ARSG: variants seen among roughly 807,000 people sequenced by gnomAD.
ARSG encodes arylsulfatase G.
A neutral mutation model predicts 50.5 loss-of-function variants in ARSG; 37 were observed. That is an observed-to-expected ratio of 0.73 (90% CI 0.56 to 0.96). The LOEUF (loss-of-function observed/expected upper bound fraction) is 0.96, where lower values mean the gene tolerates loss of function less well. ARSG is among the 50% of genes least tolerant of loss of function. ARSG has a pLI of 0.00. For synonymous variants in ARSG, 225 were observed against 254.6 expected, an observed-to-expected ratio of 0.88 and a Z score of 1.11; for missense variants, 629 against 675.3, an observed-to-expected ratio of 0.93 and a Z score of 0.76.
intron 3 of ARSG, 149 bp downstream of exon 3, chr17:68,343,940 C>A (rs771745808): frequency 4.7e-5 from 38 of 804,866 alleles, no homozygotes; most frequent in Non-Finnish European, 6.1e-5. Flanking sequence ...ACTGAAAAGA[C>A]CTAACAGTGA....
At chr17:68,279,678 C>T (rs2030156264) in intron 1 of ARSG, among the ~76,000 whole-genome samples, 1 of 152,182 alleles carries the variant, frequency 6.6e-6, no homozygotes, top group Non-Finnish European at 1.5e-5. Context: ...CTTAACACTT[C>T]TAAGGAGACA....
chr17:68,335,499 A>C (rs1321674949), intron 2 of ARSG, among the ~76,000 whole-genome samples: 1 of 150,428 alleles, frequency 6.6e-6, no homozygotes, highest in Non-Finnish European at 1.5e-5. Flanking sequence ...GCTTGCAGTG[A>C]GCCGAGATCA....
rs1029851652 is a variant in ARSG, at chr17:68,420,634, C to T, written c.*171C>T. On this transcript the variant is annotated 3_prime_UTR_variant, in exon 12 of 12. Transcript: ENST00000621439. The stretch of plus-strand genomic sequence containing the variant: ...ATCCTGTCCCTCCTCCACGCCGACC[C>T]GAGAGCAGCTGAGCTGCGCTGGCTC... The T allele has an allele frequency of 5.2e-6, 4 of 773,600 alleles. No individual in the cohort carries two copies. Among genetic ancestry groups the T allele is most frequent in the African/African-American group, 3.5e-5 (2 of 57,200 alleles). 47.9% of individuals were successfully genotyped at this position (773,600 alleles called of 1,614,324 possible). A position where few individuals can be genotyped will look rare whatever the true frequency, so the allele number is the denominator to read the frequency against.
At chr17:68,354,412 CAAAAAAAA>C (rs1011747696) in intron 5 of ARSG, among the ~76,000 whole-genome samples, 21 of 95,326 alleles carry the variant, frequency 2.2e-4, no homozygotes, top group African/African-American at 4.7e-4. Context: ...GATCCTGTCT[CAAAAAAAA>C]AAAAAAAGAA....
intron 10 of ARSG, among the ~76,000 whole-genome samples, chr17:68,398,891 G>A (rs965229412): frequency 1.2e-4 from 18 of 152,206 alleles, no homozygotes; most frequent in African/African-American, 4.1e-4. Context: ...GGCAGTGAGG[G>A]GCACCAGGAG....
chr17:68,396,827 T>C (rs1428429705), intron 10 of ARSG, among the ~76,000 whole-genome samples: 1 of 152,174 alleles, frequency 6.6e-6, no homozygotes, highest in African/African-American at 2.4e-5. Flanking sequence ...CCAGAATATC[T>C]GCCCCCTAGA....
chr17:68,435,126 A>C, the ARSG span, among the ~76,000 whole-genome samples: 1 of 151,888 alleles, frequency 6.6e-6, no homozygotes, highest in East Asian at 1.9e-4. Context: ...AGAATCACTT[A>C]AACCTGGGAG....
intron 6 of ARSG, among the ~76,000 whole-genome samples, chr17:68,364,127 G>A (rs2079427157): frequency 6.6e-6 from 1 of 151,932 alleles, no homozygotes; most frequent in Non-Finnish European, 1.5e-5. Flanking sequence ...AGCCTTAACG[G>A]TCCCTGCACC....
chr17:68,408,006 G>C, intron 11 of ARSG, among the ~76,000 whole-genome samples: 1 of 149,792 alleles, frequency 6.7e-6, no homozygotes, highest in East Asian at 1.9e-4. Flanking sequence ...GTTGGCTGTG[G>C]GTTTCTTTTT....
At chr17:68,362,061 A>T (rs2079316950) in intron 6 of ARSG, among the ~76,000 whole-genome samples, 1 of 152,192 alleles carries the variant, frequency 6.6e-6, no homozygotes, top group South Asian at 2.1e-4. Flanking sequence ...AAGACACAGG[A>T]CACGCATCTT....
intron 11 of ARSG, among the ~76,000 whole-genome samples, chr17:68,404,007 G>C (rs545617198): frequency 6.6e-6 from 1 of 151,972 alleles, no homozygotes; most frequent in Non-Finnish European, 1.5e-5. Flanking sequence ...TGGTTTCCAG[G>C]TTCATCCATG....
intron 2 of ARSG, among the ~76,000 whole-genome samples, chr17:68,316,792 G>A (rs2077085123): frequency 6.6e-6 from 1 of 152,140 alleles, no homozygotes; most frequent in African/African-American, 2.4e-5. Flanking sequence ...CACCGGCCCT[G>A]CTCCCCTGTT....
intron 2 of ARSG, among the ~76,000 whole-genome samples, chr17:68,309,587 G>A (rs1360749152): frequency 3.9e-5 from 6 of 152,146 alleles, no homozygotes; most frequent in African/African-American, 1.4e-4. Context: ...TAAATAGGCT[G>A]GGTGCAGTGG....
chr17:68,426,895 G>A (rs138014827), downstream of ARSG, among the ~76,000 whole-genome samples: 205 of 152,310 alleles, frequency 1.3e-3, no homozygotes, highest in Middle Eastern at 0.014. Context: ...AGACCGTATC[G>A]TGTGATGCCT....
intron 2 of ARSG, among the ~76,000 whole-genome samples, chr17:68,309,447 A>G (rs1555765840): frequency 6.6e-6 from 1 of 152,246 alleles, no homozygotes; most frequent in African/African-American, 2.4e-5. Flanking sequence ...GGCTGTGAGG[A>G]CTGCCAGCAC....
In ARSG at chr17:68,347,133, C is replaced by A; in HGVS notation, c.415C>A (p.His139Asn). ...CTTATGTTTTTCTACAGGCAAATGG[C>A]ATCTTGGACACCACGGCTCTTATCA... ...GYVTGIIGKW[H>N]LGHHGSYHPN... The change falls in exon 4 of 12, where the codon CAT becomes AAT. Residue 139 changes from histidine to asparagine, a missense_variant. His to Asn is a moderately conservative substitution (Grantham distance 68, BLOSUM62 1). Coordinates refer to ENST00000621439, the MANE Select transcript of ARSG (RefSeq NM_001267727.2). 1 of 1,614,048 alleles carries A rather than the reference C, an allele frequency of 6.2e-7. No individual in the cohort carries two copies. The highest frequency in any genetic ancestry group is 1.1e-5 in the South Asian group (1 of 91,078).
the ARSG span, among the ~76,000 whole-genome samples, chr17:68,445,911 C>T: frequency 6.6e-6 from 1 of 152,156 alleles, no homozygotes; most frequent in Non-Finnish European, 1.5e-5. Flanking sequence ...CCTGGGCTCT[C>T]CCCGGAGATT....
At chr17:68,376,183 C>T (rs2080134289) in intron 8 of ARSG, among the ~76,000 whole-genome samples, 1 of 151,704 alleles carries the variant, frequency 6.6e-6, no homozygotes, top group South Asian at 2.1e-4. Context: ...GATCATAGCT[C>T]ATTGCAGCCT....
intron 1 of ARSG, among the ~76,000 whole-genome samples, chr17:68,296,851 A>C (rs1381024180): frequency 2.0e-5 from 3 of 152,254 alleles, no homozygotes; most frequent in East Asian, 1.9e-4. Context: ...CATTTCAACA[A>C]GTACAATTTT....
Sources: gnomAD v4.1 joint callset for allele counts (sites outside exome capture counted in the v4.1 genomes callset) on GRCh38, gnomAD v4.1.1 for gene constraint, MANE v1.5 for transcripts, NCBI Gene and HGNC (gene_info 2026-07-23, HGNC 2026-07-21) for gene names.